Variants in FHIT observed in about 807,000 individuals in gnomAD.
FHIT encodes the protein bis(5'-adenosyl)-triphosphatase.
FHIT carries 19 observed loss-of-function variants against 17.9 expected under a neutral mutation model. The ratio of observed to expected loss-of-function variants is 1.06; its 90% CI spans 0.74 to 1.56. FHIT has a LOEUF of 1.56. Ranked by LOEUF, FHIT falls within the 40% of genes most tolerant of loss-of-function variation. The pLI, the probability that FHIT is intolerant of heterozygous loss-of-function variation, is 0.00. For synonymous variants in FHIT, 81 were observed against 69.7 expected, an observed-to-expected ratio of 1.16 and a Z score of -0.81; for missense variants, 248 against 189.2, an observed-to-expected ratio of 1.31 and a Z score of -1.82.
At chr3:60,527,765 G>T (rs1339817712) in intron 5 of FHIT, among the ~76,000 whole-genome samples, 2 of 152,210 alleles carry the variant, frequency 1.3e-5, no homozygotes, top group Non-Finnish European at 2.9e-5. Flanking sequence ...AATGGGAAAG[G>T]TTTAAACTCT....
At chr3:60,122,274 A>T (rs1237865702) in intron 5 of FHIT, among the ~76,000 whole-genome samples, 6 of 152,188 alleles carry the variant, frequency 3.9e-5, no homozygotes, top group Non-Finnish European at 8.8e-5. Context: ...TTACAACCAC[A>T]TCAACAGATA....
rs1235091616 is a variant in FHIT at position 60,764,437 on chromosome 3, AACTGCATTAACAATGGAACAGTGG to A, written c.-18+57458_-18+57481del. ...GGATGGGTAGGTGGGGAGGTGGATG[AACTGCATTAACAATGGAACAGTGG>A]ACTGCAGGGTAAAAGCTCATTTGAC... On this transcript the variant is annotated intron_variant, in intron 4 of 9. Coordinates refer to ENST00000492590, the MANE Select transcript of FHIT (RefSeq NM_002012.4). Among the ~76,000 whole-genome samples the A allele has an allele frequency of 1.3e-3, 205 of 152,266 alleles. 1 individual carries two copies. The highest frequency in any genetic ancestry group is 4.7e-3 in the African/African-American group (194 of 41,560).
intron 1 of FHIT, among the ~76,000 whole-genome samples, chr3:61,228,783 C>G (rs1366870337): frequency 6.6e-6 from 1 of 152,076 alleles, no homozygotes; most frequent in Non-Finnish European, 1.5e-5. Context: ...ACATAAGAAA[C>G]CTGGGGATGT....
intron 2 of FHIT, among the ~76,000 whole-genome samples, chr3:61,162,544 C>A (rs181911143): frequency 5.3e-5 from 8 of 152,230 alleles, no homozygotes; most frequent in Admixed American, 4.6e-4. Flanking sequence ...CCCTTAAAAC[C>A]AAATCCAACT....
At chr3:61,136,883 A>G (rs763974558) in intron 2 of FHIT, among the ~76,000 whole-genome samples, 1 of 152,254 alleles carries the variant, frequency 6.6e-6, no homozygotes, top group Non-Finnish European at 1.5e-5. Context: ...TGATATGTCA[A>G]TGGATTGCAA....
chr3:60,452,624 T>G (rs1447302941), intron 5 of FHIT, among the ~76,000 whole-genome samples: 2 of 152,192 alleles, frequency 1.3e-5, no homozygotes, highest in Non-Finnish European at 2.9e-5. Context: ...TGCTGCAGCT[T>G]GCTTGAAAAG....
intron 3 of FHIT, among the ~76,000 whole-genome samples, chr3:60,989,483 C>G (rs2029992209): frequency 6.6e-6 from 1 of 152,114 alleles, no homozygotes; most frequent in South Asian, 2.1e-4. Context: ...AGACACTTTG[C>G]TTAGGATTCA....
chr3:59,962,082 T>C (rs555321786), intron 7 of FHIT, among the ~76,000 whole-genome samples: 2 of 152,166 alleles, frequency 1.3e-5, no homozygotes, highest in South Asian at 2.1e-4. Flanking sequence ...ATGAACACCA[T>C]AGAGATGTTC....
chr3:60,082,484 T>C (rs767337461), intron 5 of FHIT, among the ~76,000 whole-genome samples: 2 of 152,212 alleles, frequency 1.3e-5, no homozygotes, highest in East Asian at 1.9e-4. Context: ...CTTTTGAATA[T>C]ATATCCAGTA....
chr3:60,882,192 C>T (rs1260667601), intron 3 of FHIT, among the ~76,000 whole-genome samples: 7 of 151,970 alleles, frequency 4.6e-5, no homozygotes, highest in East Asian at 3.8e-4. Context: ...AATAGAAAAC[C>T]TAAACACACC....
chr3:60,650,680 G>A (rs2039969717), intron 4 of FHIT, among the ~76,000 whole-genome samples: 1 of 152,132 alleles, frequency 6.6e-6, no homozygotes, highest in African/African-American at 2.4e-5. Flanking sequence ...TTATGCAGTC[G>A]ACTTTTGCTT....
rs1491110867 is a variant in FHIT at position 60,441,784 on chromosome 3, A to ATGTGTGTGTG, written c.103+95075_103+95076insCACACACACA. 5.5e-3 allele frequency among the ~76,000 whole-genome samples: 151 copies of ATGTGTGTGTG among 27,642 alleles called. 4 individuals carry two copies. Among genetic ancestry groups the ATGTGTGTGTG allele is most frequent in the East Asian group, 0.012 (9 of 738 alleles). 18.1% of individuals were successfully genotyped at this position (27,642 alleles called of 152,430 possible). ...TATATATATATTTATATGTATAAAA[A>ATGTGTGTGTG]TATATATATATATATATATATATAT... On this transcript the variant is annotated intron_variant, in intron 5 of 9. Coordinates refer to ENST00000492590, the MANE Select transcript of FHIT (RefSeq NM_002012.4).
chr3:61,209,103 T>G (rs1025025939), intron 1 of FHIT, among the ~76,000 whole-genome samples: 1 of 152,082 alleles, frequency 6.6e-6, no homozygotes, highest in East Asian at 1.9e-4. Flanking sequence ...TATGAAATGC[T>G]GGGTTGAAAA....
At chr3:59,780,284 C>T (rs1702519789) in intron 8 of FHIT, among the ~76,000 whole-genome samples, 1 of 152,084 alleles carries the variant, frequency 6.6e-6, no homozygotes, top group African/African-American at 2.4e-5. Flanking sequence ...ATGTAACGGG[C>T]CCAATAAATG....
At chr3:60,060,673 T>C (rs114443468) in intron 5 of FHIT, among the ~76,000 whole-genome samples, 1,561 of 152,310 alleles carry the variant, frequency 0.01, 27 homozygotes, top group African/African-American at 0.035. Flanking sequence ...AAGAACTCAA[T>C]ACATGGGTGT....
At chr3:60,390,072 C>G (rs145534056) in intron 5 of FHIT, among the ~76,000 whole-genome samples, 1 of 152,246 alleles carries the variant, frequency 6.6e-6, no homozygotes, top group Non-Finnish European at 1.5e-5. Flanking sequence ...TGACATTTAT[C>G]TAAGCATTGT....
At chr3:60,606,114 C>A (rs1553671141) in intron 4 of FHIT, among the ~76,000 whole-genome samples, 5 of 152,036 alleles carry the variant, frequency 3.3e-5, no homozygotes, top group Non-Finnish European at 1.5e-5. Flanking sequence ...CCAGAGGGAC[C>A]AACTCTTTCT....
chr3:60,714,643 GACAA>G (rs2041632716), intron 4 of FHIT, among the ~76,000 whole-genome samples: 1 of 152,142 alleles, frequency 6.6e-6, no homozygotes, highest in South Asian at 2.1e-4. Flanking sequence ...ACCAATGACA[GACAA>G]ACAGAGAGCC....
chr3:60,262,811 G>A (rs1454914226), intron 5 of FHIT, among the ~76,000 whole-genome samples: 1 of 151,178 alleles, frequency 6.6e-6, no homozygotes, highest in African/African-American at 2.4e-5. Context: ...TATGTGGTTA[G>A]GTACTTTATA....
Sources: allele counts gnomAD v4.1 joint callset (sites outside exome capture counted in the v4.1 genomes callset), GRCh38; gene constraint gnomAD v4.1.1; transcripts MANE v1.5; gene names NCBI Gene and HGNC (gene_info 2026-07-23, HGNC 2026-07-21).